Variants in RBMS3 observed in about 807,000 individuals in gnomAD.
RBMS3 encodes RNA binding motif single stranded interacting protein 3.
RBMS3 carries 27 observed loss-of-function variants against 66.8 expected under a neutral mutation model. The ratio of observed to expected loss-of-function variants is 0.40; its 90% confidence interval spans 0.30 to 0.56. RBMS3 has a LOEUF of 0.56. RBMS3 is among the 20% of genes least tolerant of loss of function. The probability of loss-of-function intolerance (pLI) is 0.40; values close to 1 mark genes in which losing one functional copy is unlikely to be tolerated. For missense variants in RBMS3, 513 were observed against 549.5 expected, an observed-to-expected ratio of 0.93 and a Z score of 0.66; for synonymous variants, 188 against 183.0, an observed-to-expected ratio of 1.03 and a Z score of -0.22.
At chr3:29,789,799 G>A (rs1175462258) in intron 6 of RBMS3, among the ~76,000 whole-genome samples, 2 of 151,824 alleles carry the variant, frequency 1.3e-5, no homozygotes, top group South Asian at 2.1e-4. Flanking sequence ...TCCTTAATTC[G>A]AAGTGAGAGG....
intron 1 of RBMS3, among the ~76,000 whole-genome samples, chr3:29,335,107 T>C (rs1459625620): frequency 7.3e-6 from 1 of 137,640 alleles, no homozygotes. Context: ...TTCTCAGTTA[T>C]GTTTGACATT....
chr3:29,472,928 T>C (rs1278688938), intron 2 of RBMS3, among the ~76,000 whole-genome samples: 1 of 151,760 alleles, frequency 6.6e-6, no homozygotes, highest in Non-Finnish European at 1.5e-5. Flanking sequence ...ATCCTGCTGA[T>C]TGGTAGAGCC....
chr3:29,400,059 C>T (rs748069308), intron 1 of RBMS3, among the ~76,000 whole-genome samples: 1 of 152,038 alleles, frequency 6.6e-6, no homozygotes, highest in African/African-American at 2.4e-5. Context: ...TTGGCACACC[C>T]AAGCAGAATA....
intron 1 of RBMS3, among the ~76,000 whole-genome samples, chr3:29,414,853 T>C (rs1052287692): frequency 2.6e-5 from 4 of 152,204 alleles, no homozygotes; most frequent in Non-Finnish European, 5.9e-5. Context: ...ACCGTGATGC[T>C]ACAGTGAGCA....
At chr3:29,489,619 A>G (rs1042386933) in intron 3 of RBMS3, among the ~76,000 whole-genome samples, 2 of 151,652 alleles carry the variant, frequency 1.3e-5, no homozygotes, top group Non-Finnish European at 2.9e-5. Context: ...AGAGGAGAAC[A>G]TAGAGATTTC....
intron 1 of RBMS3, among the ~76,000 whole-genome samples, chr3:29,291,180 T>C (rs1003286754): frequency 1.3e-5 from 2 of 151,916 alleles, no homozygotes; most frequent in African/African-American, 4.8e-5. Flanking sequence ...GGTTTTGCAG[T>C]TTTTCTTTTC....
intron 4 of RBMS3, chr3:29,615,953 A>C (rs2048656566): frequency 6.6e-6 from 1 of 152,186 alleles, no homozygotes; most frequent in Non-Finnish European, 1.5e-5. Flanking sequence ...TAGACTTTTT[A>C]ATTTAGGGCT....
chr3:29,317,730 C>A (rs1306881553), intron 1 of RBMS3, among the ~76,000 whole-genome samples: 1 of 151,682 alleles, frequency 6.6e-6, no homozygotes, highest in African/African-American at 2.4e-5. Context: ...TCAAAAAATA[C>A]AGTAATGTCA....
intron 4 of RBMS3, among the ~76,000 whole-genome samples, chr3:29,714,743 C>T (rs1049164333): frequency 3.7e-5 from 4 of 107,920 alleles, no homozygotes; most frequent in Admixed American, 9.5e-5. Context: ...CATGTGCACA[C>T]ATGTACACAC....
At chr3:29,725,267 C>A (rs2149326980) in intron 4 of RBMS3, among the ~76,000 whole-genome samples, 1 of 152,260 alleles carries the variant, frequency 6.6e-6, no homozygotes, top group Admixed American at 6.5e-5. Context: ...ATTGTCGAGT[C>A]ACATTAAACG....
At chr3:29,753,275 T>C (rs959348913) in intron 5 of RBMS3, among the ~76,000 whole-genome samples, 1 of 152,176 alleles carries the variant, frequency 6.6e-6, no homozygotes, top group Non-Finnish European at 1.5e-5. Context: ...ATCCCACTTT[T>C]ACATTGAATC....
Position 29,741,214 on chromosome 3 carries a change from CA to C in RBMS3, c.557+1338del, listed in dbSNP as rs572121803. Among the ~76,000 whole-genome samples, 20 of 152,120 alleles carry C rather than the reference CA, an allele frequency of 1.3e-4. No homozygotes were observed. The East Asian group carries it at 3.9e-3, about 29-fold the overall frequency. ...TCTCCATAATGTATACATAGTAAAC[CA>C]GGAGACAAATGCAAGGTACATGCTT... On this transcript the variant is annotated intron_variant, in intron 5 of 14. Transcript: ENST00000383767.
chr3:29,891,922 G>GA (rs2060010291), intron 8 of RBMS3, among the ~76,000 whole-genome samples: 1 of 151,436 alleles, frequency 6.6e-6, no homozygotes, highest in African/African-American at 2.4e-5. Context: ...ATTGCCTGTG[G>GA]ACATGAAACA....
chr3:29,521,314 A>G (rs2044847811), intron 3 of RBMS3, among the ~76,000 whole-genome samples: 1 of 152,142 alleles, frequency 6.6e-6, no homozygotes, highest in Non-Finnish European at 1.5e-5. Context: ...TAGTACATTT[A>G]TCATTACTTG....
At chr3:29,993,744 A>ACTAGAATTTACATCAACTCTTTCAGTT (rs1699032934) in intron 14 of RBMS3, among the ~76,000 whole-genome samples, 1 of 152,174 alleles carries the variant, frequency 6.6e-6, no homozygotes, top group Non-Finnish European at 1.5e-5. Flanking sequence ...CAGCTATAGA[A>ACTAGAATTTACATCAACTCTTTCAGTT]CTAGAATTTA....
chr3:29,620,961 A>G (rs1340907196), intron 4 of RBMS3, among the ~76,000 whole-genome samples: 2 of 152,152 alleles, frequency 1.3e-5, no homozygotes, highest in Non-Finnish European at 2.9e-5. Context: ...TAATATCTGA[A>G]CATATCTATT....
chr3:29,583,926 G>C (rs1331930963), intron 3 of RBMS3, among the ~76,000 whole-genome samples: 3 of 151,898 alleles, frequency 2.0e-5, no homozygotes, highest in African/African-American at 4.8e-5. Context: ...GACAACCATA[G>C]CATCTCCTAT....
intron 3 of RBMS3, among the ~76,000 whole-genome samples, chr3:29,535,608 A>G (rs1158182326): frequency 6.6e-6 from 1 of 151,172 alleles, no homozygotes; most frequent in African/African-American, 2.4e-5. Flanking sequence ...TTCCTTCAAC[A>G]TTCTCTAGAA....
chr3:29,958,116 A>G (rs1696167986), intron 12 of RBMS3, among the ~76,000 whole-genome samples: 1 of 152,150 alleles, frequency 6.6e-6, no homozygotes, highest in Admixed American at 6.6e-5. Flanking sequence ...TGTGATTTTC[A>G]GCCATGAACA....
Sources: gnomAD v4.1 joint callset for allele counts (sites outside exome capture counted in the v4.1 genomes callset) on GRCh38, gnomAD v4.1.1 for gene constraint, MANE v1.5 for transcripts, NCBI Gene and HGNC (gene_info 2026-07-23, HGNC 2026-07-21) for gene names.